The following SLC24A2 variants were observed in gnomAD, a reference collection of about 807,000 sequenced individuals.
SLC24A2 encodes sodium/potassium/calcium exchanger 2.
Under a neutral mutation model 62.0 loss-of-function variants are expected in SLC24A2, and 36 were observed. The observed-to-expected ratio is 0.58, with a 90% CI of 0.44 to 0.77. The LOEUF (loss-of-function observed/expected upper bound fraction) is 0.77. Among genes scored for constraint, SLC24A2 ranks in the 30% least tolerant of loss-of-function variants. The pLI is 0.00. For missense variants in SLC24A2, 846 were observed against 817.9 expected, an observed-to-expected ratio of 1.03 and a Z score of -0.42; for synonymous variants, 358 against 294.0, an observed-to-expected ratio of 1.22 and a Z score of -2.23.
At position 19,543,784 on chromosome 9, in the gene SLC24A2, G is replaced by T. The variant is rs187642958; in HGVS notation, c.1479+6353C>A. ...CTGAGTTCTAATTTGATTGCACTAT[G>T]GTCTGAGAGACTGTTTGTTATGATT... On this transcript the variant is annotated intron_variant, in intron 8 of 10. Coordinates refer to ENST00000341998, the MANE Select transcript of SLC24A2 (RefSeq NM_020344.4). Among the ~76,000 whole-genome samples the T allele has an allele frequency of 2.7e-4, 41 of 152,140 alleles. No homozygotes were observed. In the East Asian group the frequency reaches 7.3e-3, roughly 27 times the overall value.
chr9:19,565,587 A>C (rs1038701192), intron 7 of SLC24A2, among the ~76,000 whole-genome samples: 2 of 152,022 alleles, frequency 1.3e-5, no homozygotes, highest in Non-Finnish European at 2.9e-5. Flanking sequence ...GCTACCAATG[A>C]ATAACTTTTT....
the SLC24A2 span, among the ~76,000 whole-genome samples, chr9:20,015,436 T>C: frequency 7.5e-4 from 114 of 152,328 alleles, 1 homozygote; most frequent in African/African-American, 2.4e-3. Context: ...AGCTGGATTG[T>C]TGAGTTGTGT....
chr9:20,188,063 AT>A, the SLC24A2 span, among the ~76,000 whole-genome samples: 2 of 152,206 alleles, frequency 1.3e-5, no homozygotes, highest in African/African-American at 4.8e-5. Flanking sequence ...CTGTGTCCTG[AT>A]CCCCACCTGG....
the SLC24A2 span, among the ~76,000 whole-genome samples, chr9:20,050,238 T>C: frequency 2.3e-4 from 7 of 30,680 alleles, no homozygotes; most frequent in East Asian, 1.8e-3. Context: ...ACCCCGTCTC[T>C]ACAAAAAAAA....
At chr9:19,832,074 ACT>A in the SLC24A2 span, among the ~76,000 whole-genome samples, 2 of 151,984 alleles carry the variant, frequency 1.3e-5, no homozygotes, top group South Asian at 2.1e-4. Flanking sequence ...GCCTGTCTGT[ACT>A]CTCTCACCCA....
the SLC24A2 span, among the ~76,000 whole-genome samples, chr9:19,896,481 A>T: frequency 1.7e-4 from 26 of 152,380 alleles, no homozygotes; most frequent in Admixed American, 3.3e-4. Context: ...TTAAATCATT[A>T]TCATCTCCAG....
chr9:19,634,635 C>T (rs1223310908), intron 2 of SLC24A2, among the ~76,000 whole-genome samples: 1 of 152,182 alleles, frequency 6.6e-6, no homozygotes, highest in Non-Finnish European at 1.5e-5. Flanking sequence ...TAAGGCATAT[C>T]TCTTTGCATT....
chr9:19,718,600 T>C (rs1312687922), intron 2 of SLC24A2, among the ~76,000 whole-genome samples: 1 of 151,902 alleles, frequency 6.6e-6, no homozygotes, highest in African/African-American at 2.4e-5. Context: ...CATGAGCCAC[T>C]GCGCCCAGCC....
the SLC24A2 span, among the ~76,000 whole-genome samples, chr9:20,158,153 A>G: frequency 2.0e-5 from 3 of 151,762 alleles, no homozygotes; most frequent in African/African-American, 4.8e-5. Context: ...AAGAAATGCA[A>G]TAAGAATGGC....
At chr9:19,546,531 C>T (rs1834581676) in intron 8 of SLC24A2, among the ~76,000 whole-genome samples, 1 of 152,152 alleles carries the variant, frequency 6.6e-6, no homozygotes, top group Non-Finnish European at 1.5e-5. Context: ...GTTGACACCC[C>T]TTCCCCCACC....
At chr9:20,262,069 A>G in the SLC24A2 span, among the ~76,000 whole-genome samples, 2 of 152,180 alleles carry the variant, frequency 1.3e-5, no homozygotes. Context: ...CTCCATAAAC[A>G]AAAGACAACA....
chr9:20,053,767 C>A, the SLC24A2 span, among the ~76,000 whole-genome samples: 1 of 152,176 alleles, frequency 6.6e-6, no homozygotes, highest in Non-Finnish European at 1.5e-5. Flanking sequence ...GGGCCTAGAT[C>A]TTGGACTTTC....
chr9:19,788,538 G>C (rs1395097496), intron 1 of SLC24A2: 2 of 985,482 alleles, frequency 2.0e-6, no homozygotes, highest in Non-Finnish European at 2.4e-6. Flanking sequence ...CCACCTGTGA[G>C]CTTGGAGCTG....
At chr9:19,744,955 C>T (rs918922709) in intron 2 of SLC24A2, among the ~76,000 whole-genome samples, 3 of 152,170 alleles carry the variant, frequency 2.0e-5, no homozygotes, top group African/African-American at 7.2e-5. Context: ...AAGTTTCTAA[C>T]TAGTTGATAT....
At chr9:20,105,124 G>A in the SLC24A2 span, among the ~76,000 whole-genome samples, 91 of 152,238 alleles carry the variant, frequency 6.0e-4, 1 homozygote, top group Non-Finnish European at 1.2e-3. Context: ...ATGGTAAAGG[G>A]ATCAATTCAA....
chr9:20,063,777 T>C, the SLC24A2 span, among the ~76,000 whole-genome samples: 1 of 152,200 alleles, frequency 6.6e-6, no homozygotes, highest in Non-Finnish European at 1.5e-5. Context: ...TTAAAAGTGC[T>C]TGACATCATT....
chr9:19,906,227 A>G, the SLC24A2 span, among the ~76,000 whole-genome samples: 1,597 of 152,282 alleles, frequency 0.01, 20 homozygotes, highest in African/African-American at 0.037. Flanking sequence ...CTGAATGACT[A>G]CTGGGTACAT....
At chr9:19,694,516 G>A (rs137957366) in intron 2 of SLC24A2, among the ~76,000 whole-genome samples, 163 of 152,176 alleles carry the variant, frequency 1.1e-3, no homozygotes, top group African/African-American at 3.8e-3. Flanking sequence ...ACTAGCAGGC[G>A]AAAGACTTTC....
intron 9 of SLC24A2, among the ~76,000 whole-genome samples, chr9:19,522,522 T>C (rs753550478): frequency 6.6e-6 from 1 of 152,240 alleles, no homozygotes; most frequent in Non-Finnish European, 1.5e-5. Flanking sequence ...CTTATTTTTA[T>C]AAGAAATAGT....
Sources: gnomAD v4.1 joint callset for allele counts (sites outside exome capture counted in the v4.1 genomes callset) on GRCh38, gnomAD v4.1.1 for gene constraint, MANE v1.5 for transcripts, NCBI Gene and HGNC (gene_info 2026-07-23, HGNC 2026-07-21) for gene names.